The following OTUD7A variants were observed in gnomAD, a reference collection of about 807,000 sequenced individuals.
OTUD7A encodes OTU domain-containing protein 7A.
Under a neutral mutation model 65.7 loss-of-function variants are expected in OTUD7A, and 12 were observed. The ratio of observed to expected loss-of-function variants is 0.18; its 90% CI spans 0.12 to 0.30. The LOEUF is 0.30. Ranked by LOEUF, OTUD7A falls within the 10% of genes least tolerant of loss-of-function variation. The probability of loss-of-function intolerance (pLI) is 1.00; values close to 1 mark genes in which losing one functional copy is unlikely to be tolerated. For missense variants in OTUD7A, 1,148 were observed against 1,304.8 expected, an observed-to-expected ratio of 0.88 and a Z score of 1.85; for synonymous variants, 641 against 586.3, an observed-to-expected ratio of 1.09 and a Z score of -1.35.
chr15:31,577,256 G>T (rs564074532), intron 3 of OTUD7A, among the ~76,000 whole-genome samples: 1 of 152,260 alleles, frequency 6.6e-6, no homozygotes, highest in African/African-American at 2.4e-5. Flanking sequence ...CACGTTGTAA[G>T]GTCTGAAACA....
chr15:31,739,129 G>A (rs976375928), intron 1 of OTUD7A, among the ~76,000 whole-genome samples: 2 of 152,172 alleles, frequency 1.3e-5, no homozygotes, highest in Non-Finnish European at 2.9e-5. Context: ...AACACCCCAG[G>A]TATTGTTATG....
At chr15:31,753,932 A>G (rs1483372807) in intron 1 of OTUD7A, among the ~76,000 whole-genome samples, 1 of 151,786 alleles carries the variant, frequency 6.6e-6, no homozygotes, top group Non-Finnish European at 1.5e-5. Context: ...TTCTTTAAGG[A>G]ATCTCCACAC....
intron 3 of OTUD7A, among the ~76,000 whole-genome samples, chr15:31,647,728 C>T (rs1226971070): frequency 6.6e-6 from 1 of 151,966 alleles, no homozygotes; most frequent in Non-Finnish European, 1.5e-5. Flanking sequence ...CATCACTGCA[C>T]CTCAGCAGCT....
intron 3 of OTUD7A, among the ~76,000 whole-genome samples, chr15:31,598,672 G>A (rs1481634343): frequency 1.3e-5 from 2 of 152,146 alleles, no homozygotes; most frequent in Admixed American, 6.5e-5. Context: ...TCACTCTCCT[G>A]GAGATGGGGC....
chr15:31,830,394 G>A (rs1304935766), intron 1 of OTUD7A, among the ~76,000 whole-genome samples: 1 of 152,204 alleles, frequency 6.6e-6, no homozygotes, highest in Non-Finnish European at 1.5e-5. Flanking sequence ...ATGTTACAAT[G>A]TTTTAGGTCC....
intron 1 of OTUD7A, among the ~76,000 whole-genome samples, chr15:31,690,205 G>A (rs71476561): frequency 0.031 from 4,653 of 152,150 alleles, 115 homozygotes; most frequent in Middle Eastern, 0.078. Context: ...TGATTTTTGT[G>A]TTCTACTTTC....
At chr15:31,634,463 C>A (rs1269241027) in intron 3 of OTUD7A, among the ~76,000 whole-genome samples, 8 of 152,196 alleles carry the variant, frequency 5.3e-5, no homozygotes, top group African/African-American at 1.7e-4. Flanking sequence ...GCATACATGT[C>A]CCTGCCAGCA....
intron 1 of OTUD7A, among the ~76,000 whole-genome samples, chr15:31,832,928 A>G (rs1355749494): frequency 3.9e-5 from 6 of 152,172 alleles, no homozygotes; most frequent in African/African-American, 1.2e-4. Context: ...CCAAGTCTTC[A>G]TGTTCAATTC....
At chr15:31,653,122 G>A (rs544394493) in intron 3 of OTUD7A, among the ~76,000 whole-genome samples, 15 of 151,776 alleles carry the variant, frequency 9.9e-5, no homozygotes, top group Non-Finnish European at 1.6e-4. Context: ...GGTGATGCGC[G>A]GCTGTAATCA....
At chr15:31,830,021 G>A (rs546015690) in intron 1 of OTUD7A, among the ~76,000 whole-genome samples, 2 of 152,230 alleles carry the variant, frequency 1.3e-5, no homozygotes, top group African/African-American at 4.8e-5. Context: ...AGGGACTTTG[G>A]GGCATTCCAA....
At chr15:31,621,858 C>T (rs1890796636) in intron 3 of OTUD7A, among the ~76,000 whole-genome samples, 1 of 151,842 alleles carries the variant, frequency 6.6e-6, no homozygotes, top group Non-Finnish European at 1.5e-5. Flanking sequence ...TTCTTCCTAG[C>T]ATCGATGGTC....
At chr15:31,525,384 G>A (rs761588336) in intron 8 of OTUD7A, among the ~76,000 whole-genome samples, 7 of 152,244 alleles carry the variant, frequency 4.6e-5, no homozygotes, top group African/African-American at 7.2e-5. Flanking sequence ...AGCGTATGTG[G>A]GTTTCTAATG....
intron 1 of OTUD7A, among the ~76,000 whole-genome samples, chr15:31,740,773 T>C (rs1280385108): frequency 1.3e-5 from 2 of 152,158 alleles, no homozygotes; most frequent in Non-Finnish European, 1.5e-5. Flanking sequence ...GAACGCAAGA[T>C]TCAACTATAT....
intron 1 of OTUD7A, among the ~76,000 whole-genome samples, chr15:31,789,685 C>G (rs1479898097): frequency 6.7e-6 from 1 of 148,838 alleles, no homozygotes; most frequent in African/African-American, 2.5e-5. Flanking sequence ...AGAGGTAGAA[C>G]TGTGGAAATC....
At chr15:31,653,056 C>T (rs1051555668) in intron 3 of OTUD7A, among the ~76,000 whole-genome samples, 10 of 152,028 alleles carry the variant, frequency 6.6e-5, no homozygotes, top group Non-Finnish European at 1.5e-4. Context: ...CAAGACCAGC[C>T]TGGCCAATAT....
At chr15:31,831,117 G>T (rs1395023027) in intron 1 of OTUD7A, among the ~76,000 whole-genome samples, 1 of 152,100 alleles carries the variant, frequency 6.6e-6, no homozygotes, top group African/African-American at 2.4e-5. Context: ...ATAGAAAAAA[G>T]AAACTTGAAT....
At chr15:31,646,051 G>A (rs1207892336) in intron 3 of OTUD7A, among the ~76,000 whole-genome samples, 2 of 152,118 alleles carry the variant, frequency 1.3e-5, no homozygotes, top group East Asian at 3.9e-4. Context: ...ATTTCAGTTC[G>A]CACAGCCAAT....
chr15:31,665,291 G>A (rs1053086090), intron 1 of OTUD7A, among the ~76,000 whole-genome samples: 2 of 152,186 alleles, frequency 1.3e-5, no homozygotes, highest in Non-Finnish European at 2.9e-5. Flanking sequence ...CCATCCATGA[G>A]CATGGGATGT....
chr15:31,537,250 C>T (rs1887833527), intron 5 of OTUD7A, among the ~76,000 whole-genome samples: 1 of 152,102 alleles, frequency 6.6e-6, no homozygotes, highest in Non-Finnish European at 1.5e-5. Flanking sequence ...TAAACTGAAT[C>T]CTTATCCACT....
Sources: gnomAD v4.1 joint callset for allele counts (sites outside exome capture counted in the v4.1 genomes callset) on GRCh38, gnomAD v4.1.1 for gene constraint, MANE v1.5 for transcripts, NCBI Gene and HGNC (gene_info 2026-07-23, HGNC 2026-07-21) for gene names.